The following TMTC2 variants were observed in gnomAD, a reference collection of about 807,000 sequenced individuals.
TMTC2 encodes the protein transmembrane O-mannosyltransferase targeting cadherins 2, also known as protein O-mannosyl-transferase TMTC2.
TMTC2 carries 43 observed loss-of-function variants against 82.4 expected under a neutral mutation model. The ratio of observed to expected loss-of-function variants is 0.52; its 90% CI spans 0.41 to 0.67. The LOEUF is 0.67. TMTC2 is among the 30% of genes least tolerant of loss of function. The pLI is 0.00. For missense variants in TMTC2, 919 were observed against 1,012.4 expected (o/e 0.91, Z 1.25); for synonymous variants, 408 against 381.9 (o/e 1.07, Z -0.80).
intron 7 of TMTC2, among the ~76,000 whole-genome samples, chr12:82,973,576 A>G (rs1005241455): frequency 6.6e-5 from 10 of 152,180 alleles, no homozygotes; most frequent in African/African-American, 2.4e-4. Context: ...GCAGTTTTTA[A>G]AATATATTTT....
At chr12:82,791,346 CT>C (rs760571524) in intron 1 of TMTC2, among the ~76,000 whole-genome samples, 2 of 151,894 alleles carry the variant, frequency 1.3e-5, no homozygotes, top group Admixed American at 6.6e-5. Context: ...TGTCTGTATT[CT>C]CTGCTACCAG....
intron 1 of TMTC2, among the ~76,000 whole-genome samples, chr12:82,722,580 A>AT: frequency 6.7e-6 from 1 of 149,674 alleles, no homozygotes; most frequent in Admixed American, 6.7e-5. Context: ...AAAAAAAAAA[A>AT]AAAAAAAAAA....
At chr12:82,999,557 G>A (rs1879823147) in intron 8 of TMTC2, among the ~76,000 whole-genome samples, 1 of 152,176 alleles carries the variant, frequency 6.6e-6, no homozygotes, top group Admixed American at 6.5e-5. Flanking sequence ...TGGCTGGGGA[G>A]GCCACAAAAT....
intron 1 of TMTC2, among the ~76,000 whole-genome samples, chr12:82,801,657 G>T (rs1311574142): frequency 6.6e-6 from 1 of 152,066 alleles, no homozygotes; most frequent in African/African-American, 2.4e-5. Context: ...GTGCAGATTG[G>T]TGCACCTACA....
At chr12:82,872,005 A>ACCCCCCC (rs61305687) in intron 2 of TMTC2, among the ~76,000 whole-genome samples, 287 of 95,728 alleles carry the variant, frequency 3.0e-3, no homozygotes, top group Non-Finnish European at 3.8e-3. Context: ...GTTGAACAAC[A>ACCCCCCC]CCCCCCCCCC....
intron 9 of TMTC2, among the ~76,000 whole-genome samples, chr12:83,037,796 G>A (rs866215044): frequency 9.9e-5 from 15 of 151,884 alleles, no homozygotes; most frequent in African/African-American, 3.4e-4. Context: ...TAGCTTAAAA[G>A]CAAAGAATTA....
chr12:83,075,928 T>G (rs1286789146), intron 11 of TMTC2, among the ~76,000 whole-genome samples: 1 of 152,252 alleles, frequency 6.6e-6, no homozygotes, highest in Non-Finnish European at 1.5e-5. Context: ...TGTACTTCTG[T>G]TTTGCAGATT....
chr12:83,130,513 T>A (rs1885227760), intron 11 of TMTC2, among the ~76,000 whole-genome samples: 1 of 152,190 alleles, frequency 6.6e-6, no homozygotes, highest in Non-Finnish European at 1.5e-5. Context: ...ATAGCTTATA[T>A]TTGCAGCATT....
intron 1 of TMTC2, among the ~76,000 whole-genome samples, chr12:82,732,971 A>T (rs1480901737): frequency 2.6e-5 from 4 of 152,208 alleles, no homozygotes; most frequent in Non-Finnish European, 5.9e-5. Context: ...TTAGTGGGTT[A>T]TATTTACATA....
At chr12:82,785,325 A>G (rs1194980473) in intron 1 of TMTC2, among the ~76,000 whole-genome samples, 1 of 151,464 alleles carries the variant, frequency 6.6e-6, no homozygotes, top group Non-Finnish European at 1.5e-5. Context: ...GGTTTCAGCT[A>G]TTTTAATTTT....
rs1167735753 is a variant in TMTC2, at chr12:82,694,715, C to G, written c.83+7046C>G. Among the ~76,000 whole-genome samples the G allele has an allele frequency of 2.0e-5, 3 of 151,812 alleles. No individual in the cohort carries two copies. In the East Asian group the frequency reaches 5.8e-4, roughly 29 times the overall value. On this transcript the variant is annotated intron_variant, in intron 1 of 11. Coordinates refer to ENST00000321196, the MANE Select transcript of TMTC2 (RefSeq NM_152588.3). Reference sequence around the variant, plus strand: ...TAAAATGTTTCTGTGAGGTCTTTGTCTTTGATGATTAATCATCATTTTTGT... The same window carrying G: ...TAAAATGTTTCTGTGAGGTCTTTGTGTTTGATGATTAATCATCATTTTTGT...
At chr12:82,896,886 G>C (rs1426797240) in intron 3 of TMTC2, among the ~76,000 whole-genome samples, 1 of 152,084 alleles carries the variant, frequency 6.6e-6, no homozygotes, top group Non-Finnish European at 1.5e-5. Context: ...TGTTTGTCCA[G>C]AAGAATTAGA....
At chr12:82,944,718 G>T (rs1876908970) in intron 4 of TMTC2, among the ~76,000 whole-genome samples, 1 of 152,164 alleles carries the variant, frequency 6.6e-6, no homozygotes, top group African/African-American at 2.4e-5. Flanking sequence ...GTACTATAGA[G>T]AAGTTAAATA....
At chr12:83,010,906 C>T (rs1880427833) in intron 8 of TMTC2, among the ~76,000 whole-genome samples, 1 of 152,208 alleles carries the variant, frequency 6.6e-6, no homozygotes, top group African/African-American at 2.4e-5. Flanking sequence ...GCGATCTCAG[C>T]TCACTGCAAC....
intron 1 of TMTC2, among the ~76,000 whole-genome samples, chr12:82,835,875 G>A (rs113151953): frequency 6.6e-5 from 10 of 152,132 alleles, no homozygotes; most frequent in Non-Finnish European, 1.2e-4. Context: ...CCAGCTTATG[G>A]AAGTTTAATG....
intron 11 of TMTC2, among the ~76,000 whole-genome samples, chr12:83,062,522 T>C (rs1391765343): frequency 6.6e-6 from 1 of 151,830 alleles, no homozygotes; most frequent in African/African-American, 2.4e-5. Flanking sequence ...TAAAATCTTC[T>C]ACCCTGTTCT....
At chr12:82,911,214 T>TG (rs918181088) in intron 3 of TMTC2, among the ~76,000 whole-genome samples, 1 of 151,866 alleles carries the variant, frequency 6.6e-6, no homozygotes, top group Non-Finnish European at 1.5e-5. Context: ...GGTTTGGGTG[T>TG]GGGGGGGCCA....
chr12:83,106,762 A>G lies in TMTC2; in HGVS notation c.2332-25448A>G, dbSNP rs549476123. Among the ~76,000 whole-genome samples the G allele has an allele frequency of 3.9e-5, 6 of 152,330 alleles. No homozygotes were observed. In the South Asian group the frequency reaches 1.2e-3, roughly 32 times the overall value. ...TAGTCACTTTAAGCTGTTAAGAAAA[A>G]TATCTGTAATACTCTCTTATTGTTT... On this transcript the variant is annotated intron_variant, in intron 11 of 11. Transcript: ENST00000321196.
Position 82,735,398 on chromosome 12 carries a change from T to G in TMTC2, c.83+47729T>G, listed in dbSNP as rs1488812533. On this transcript the variant is annotated intron_variant, in intron 1 of 11. Coordinates refer to ENST00000321196, the MANE Select transcript of TMTC2 (RefSeq NM_152588.3). ...TCTTACTCCGTCGCCCAGGCTGGAG[T>G]GCAGTGGCGCGATCTCGGCTCACTG... Among the ~76,000 whole-genome samples the G allele has an allele frequency of 2.0e-5, 3 of 150,950 alleles. No individual in the cohort carries two copies. The South Asian group carries it at 6.3e-4, about 32-fold the overall frequency.
Sources: gnomAD v4.1 joint callset for allele counts (sites outside exome capture counted in the v4.1 genomes callset) on GRCh38, gnomAD v4.1.1 for gene constraint, MANE v1.5 for transcripts, NCBI Gene and HGNC (gene_info 2026-07-23, HGNC 2026-07-21) for gene names.